The following FRAS1 variants were observed in gnomAD, a reference collection of about 807,000 sequenced individuals.
FRAS1 encodes extracellular matrix organizing protein FRAS1.
FRAS1 carries 290 observed loss-of-function variants against 435.2 expected under a neutral mutation model. The ratio of observed to expected loss-of-function variants is 0.67; its 90% CI spans 0.61 to 0.73. The LOEUF is 0.73. Ranked by LOEUF, FRAS1 falls within the 30% of genes least tolerant of loss-of-function variation. FRAS1 has a pLI of 0.00. For missense variants in FRAS1, 4,860 were observed against 5,001.5 expected (o/e 0.97, Z 0.85); for synonymous variants, 1,800 against 1,851.0 (o/e 0.97, Z 0.71).
At chr4:78,385,713 C>T (rs1323872101) in intron 28 of FRAS1, among the ~76,000 whole-genome samples, 8 of 151,958 alleles carry the variant, frequency 5.3e-5, no homozygotes, top group Admixed American at 3.3e-4. Context: ...GGTGAAACCG[C>T]GTCTCTACTG....
rs558180890 is a variant in FRAS1, at chr4:78,348,001, G to T, written c.2422+10184G>T. Among the ~76,000 whole-genome samples the T allele has an allele frequency of 4.2e-4, 3 of 7,170 alleles. 1 individual carries two copies. The highest frequency in any genetic ancestry group is 1.2e-3 in the Admixed American group (1 of 866). 4.7% of individuals were successfully genotyped at this position (7,170 alleles called of 152,430 possible). On this transcript the variant is annotated intron_variant, in intron 20 of 73. Coordinates refer to ENST00000512123, the MANE Select transcript of FRAS1 (RefSeq NM_025074.7). ...AGATAGGGGAGGAGCCAAGATGGCC[G>T]AATAGGAACAGCTCCGGTCTACAGC...
intron 2 of FRAS1, among the ~76,000 whole-genome samples, chr4:78,113,175 G>T (rs1167052084): frequency 3.9e-5 from 6 of 152,314 alleles, no homozygotes; most frequent in Admixed American, 3.9e-4. Flanking sequence ...TTTTATGGCT[G>T]CATAGTATTC....
intron 2 of FRAS1, among the ~76,000 whole-genome samples, chr4:78,138,852 T>C (rs1280156797): frequency 6.6e-6 from 1 of 152,226 alleles, no homozygotes; most frequent in African/African-American, 2.4e-5. Flanking sequence ...ACTGTAGCTT[T>C]AATTTTTTTT....
chr4:78,506,568 G>A (rs1244311420), intron 61 of FRAS1, among the ~76,000 whole-genome samples: 1 of 152,246 alleles, frequency 6.6e-6, no homozygotes, highest in East Asian at 1.9e-4. Context: ...AGGCATGGGA[G>A]AGAATCCCCT....
chr4:78,122,321 G>A (rs1447542354), intron 2 of FRAS1, among the ~76,000 whole-genome samples: 1 of 152,014 alleles, frequency 6.6e-6, no homozygotes. Flanking sequence ...CTTTTTTATG[G>A]CTGCATAGTA....
intron 2 of FRAS1, chr4:78,181,420 G>T: frequency 1.2e-6 from 2 of 1,611,954 alleles, no homozygotes; most frequent in Non-Finnish European, 8.5e-7. Flanking sequence ...CGTGCTTCAG[G>T]CCACTGTAAT....
chr4:78,311,235 T>C (rs1291236207), intron 15 of FRAS1, among the ~76,000 whole-genome samples: 2 of 152,160 alleles, frequency 1.3e-5, no homozygotes, highest in Admixed American at 1.3e-4. Flanking sequence ...TTTGCACCCA[T>C]GCAACCATTT....
chr4:78,286,598 C>T, intron 14 of FRAS1, 59 bp downstream of exon 14: 2 of 1,571,462 alleles, frequency 1.3e-6, no homozygotes, highest in Non-Finnish European at 1.7e-6. Flanking sequence ...CAACCCTGAC[C>T]CCACCAAGTG....
At chr4:78,385,545 T>G (rs191787478) in intron 28 of FRAS1, among the ~76,000 whole-genome samples, 1 of 152,310 alleles carries the variant, frequency 6.6e-6, no homozygotes, top group Non-Finnish European at 1.5e-5. Flanking sequence ...GATCCTAAGT[T>G]AATTTGATCT....
intron 70 of FRAS1, among the ~76,000 whole-genome samples, chr4:78,527,865 G>A (rs972402116): frequency 6.6e-6 from 1 of 152,144 alleles, no homozygotes; most frequent in East Asian, 1.9e-4. Context: ...CAATCGAGGG[G>A]AAAGTTGATG....
At chr4:78,536,146 A>G (rs1721874225) in intron 71 of FRAS1, among the ~76,000 whole-genome samples, 1 of 151,286 alleles carries the variant, frequency 6.6e-6, no homozygotes. Flanking sequence ...GAAACGGCCT[A>G]CACCAGGGCT....
At chr4:78,307,490 A>AGACTGCTGT (rs1444587635) in intron 14 of FRAS1, among the ~76,000 whole-genome samples, 29 of 151,870 alleles carry the variant, frequency 1.9e-4, no homozygotes, top group Non-Finnish European at 2.7e-4. Context: ...GTTTGATCTC[A>AGACTGCTGT]GCTAGCAATC....
At chr4:78,480,057 A>G (rs1203661349) in intron 56 of FRAS1, among the ~76,000 whole-genome samples, 1 of 152,220 alleles carries the variant, frequency 6.6e-6, no homozygotes, top group African/African-American at 2.4e-5. Flanking sequence ...CCTCACCTCA[A>G]GCATTTATCC....
intron 20 of FRAS1, 200 bp downstream of exon 20, chr4:78,338,017 T>TA (rs1234241556): frequency 1.8e-6 from 1 of 550,288 alleles, no homozygotes; most frequent in East Asian, 3.2e-5. Context: ...CTTCTAATAA[T>TA]ACTCTTGCAA....
At chr4:78,109,580 G>A (rs1331985463) in intron 2 of FRAS1, among the ~76,000 whole-genome samples, 2 of 106,750 alleles carry the variant, frequency 1.9e-5, no homozygotes, top group Non-Finnish European at 3.7e-5. Flanking sequence ...CAATAAATTA[G>A]GTATTGATGG....
intron 3 of FRAS1, among the ~76,000 whole-genome samples, chr4:78,243,684 A>G (rs1003545737): frequency 1.3e-5 from 2 of 151,982 alleles, no homozygotes; most frequent in African/African-American, 4.8e-5. Context: ...ACACACAAAC[A>G]CATACACATA....
intron 5 of FRAS1, among the ~76,000 whole-genome samples, chr4:78,254,585 T>C (rs1306015285): frequency 2.0e-5 from 3 of 152,106 alleles, no homozygotes; most frequent in African/African-American, 7.2e-5. Context: ...TCTGAGTTTG[T>C]GGGATTCTTT....
chr4:78,113,644 T>C (rs1340158970), intron 2 of FRAS1, among the ~76,000 whole-genome samples: 2 of 152,260 alleles, frequency 1.3e-5, no homozygotes, highest in Non-Finnish European at 2.9e-5. Flanking sequence ...AAATGTCTGT[T>C]CATATCCTTT....
chr4:78,224,912 T>C (rs914612978), intron 2 of FRAS1, among the ~76,000 whole-genome samples: 6 of 152,212 alleles, frequency 3.9e-5, no homozygotes, highest in African/African-American at 9.7e-5. Context: ...AGTGTCTCTA[T>C]GGATATCATA....
Sources: gnomAD v4.1 joint callset for allele counts (sites outside exome capture counted in the v4.1 genomes callset) on GRCh38, gnomAD v4.1.1 for gene constraint, MANE v1.5 for transcripts, NCBI Gene and HGNC (gene_info 2026-07-23, HGNC 2026-07-21) for gene names.